Variants in CCPG1 observed in about 807,000 individuals in gnomAD.
The protein encoded by CCPG1 is cell cycle progression protein 1.
CCPG1 carries 46 observed loss-of-function variants against 81.3 expected under a neutral mutation model. That is an observed-to-expected ratio of 0.57 (90% CI 0.45 to 0.72). The LOEUF (loss-of-function observed/expected upper bound fraction) is 0.72. Ranked by LOEUF, CCPG1 falls within the 30% of genes least tolerant of loss-of-function variation. The pLI, the probability that CCPG1 is intolerant of heterozygous loss-of-function variation, is 0.00. For missense variants in CCPG1, 902 were observed against 937.6 expected, an observed-to-expected ratio of 0.96 and a Z score of 0.50; for synonymous variants, 330 against 305.2, an observed-to-expected ratio of 1.08 and a Z score of -0.85.
At chr15:55,365,419 G>GTTTTTTT (rs111247245) in intron 6 of CCPG1, 110 bp from the exon 7 acceptor site, 4 of 446,370 alleles carry the variant, frequency 9.0e-6, no homozygotes, top group Admixed American at 4.6e-5. Flanking sequence ...TCTTTTTTTT[G>GTTTTTTT]TTTTTTTTTT....
At chr15:55,406,698 G>A (rs2057231637) in intron 1 of CCPG1, among the ~76,000 whole-genome samples, 5 of 151,672 alleles carry the variant, frequency 3.3e-5, no homozygotes. Context: ...GCCTCCCAAA[G>A]TGCTGGGATT....
At chr15:55,405,565 C>G (rs566380148) in intron 1 of CCPG1, among the ~76,000 whole-genome samples, 3 of 152,184 alleles carry the variant, frequency 2.0e-5, no homozygotes, top group South Asian at 4.2e-4. Context: ...ATAGCCAGGC[C>G]TAGGCCTGGT....
chr15:55,362,819 C>T (rs1481618879), intron 7 of CCPG1, among the ~76,000 whole-genome samples: 1 of 152,076 alleles, frequency 6.6e-6, no homozygotes, highest in African/African-American at 2.4e-5. Context: ...GTGGGAGGAT[C>T]ACTTGAACCC....
chr15:55,360,914 T>C lies in CCPG1; in HGVS notation c.859A>G (p.Thr287Ala). Residue 287 changes from threonine to alanine, a missense_variant, in exon 8 of 9, where the codon ACA (threonine) becomes GCA (alanine). By Grantham distance (58) the Thr-to-Ala change is moderately conservative. This residue lies in a region of CCPG1 where 746 missense variants were observed against 728.6 expected (regional missense o/e 1.02). Transcript: ENST00000442196. ...GACATCTTCTCTGCTTCAGTAAGTG[T>C]CCAACACCTTGCAAGATTTTCTTTC... ...SLKENLARCWTLTEAEKMSFE... is the reference protein window; with the variant it reads ...SLKENLARCWALTEAEKMSFE... The C allele has an allele frequency of 1.3e-6, 2 of 1,551,702 alleles. No individual in the cohort carries two copies. The highest frequency in any genetic ancestry group is 1.7e-6 in the Non-Finnish European group (2 of 1,153,988).
At chr15:55,385,502 A>C (rs1024494801) in intron 3 of CCPG1, 98 bp downstream of exon 3, 2 of 605,406 alleles carry the variant, frequency 3.3e-6, no homozygotes, top group African/African-American at 3.8e-5. Context: ...GACCCCTTAG[A>C]TTAGCCAGAA....
rs566842331 is a variant in CCPG1, at chr15:55,367,068, T to C, written c.707-1759A>G. Among the ~76,000 whole-genome samples, 21 of 152,358 alleles carry C rather than the reference T, an allele frequency of 1.4e-4. No individual in the cohort carries two copies. The East Asian group carries it at 3.7e-3, about 27-fold the overall frequency. ...AACACCAAAAACAACTTTTGCCAATTTACAGGTAACTGTTACATAGTCTAG... is the reference window on the plus strand; with the variant it reads ...AACACCAAAAACAACTTTTGCCAATCTACAGGTAACTGTTACATAGTCTAG... On this transcript the variant is annotated intron_variant, in intron 6 of 8. Transcript: ENST00000442196.
chr15:55,397,679 G>A (rs185531956), intron 1 of CCPG1, among the ~76,000 whole-genome samples: 2 of 152,186 alleles, frequency 1.3e-5, no homozygotes, highest in African/African-American at 4.8e-5. Flanking sequence ...GTTATGAGAA[G>A]AAAATCAGTA....
chr15:55,389,998 G>A (rs1463582723), intron 1 of CCPG1, among the ~76,000 whole-genome samples: 2 of 152,220 alleles, frequency 1.3e-5, no homozygotes, highest in African/African-American at 4.8e-5. Flanking sequence ...ATCTCGACTT[G>A]CTGCAACCTC....
chr15:55,357,023 C>T, intron 8 of CCPG1: 1 of 985,632 alleles, frequency 1.0e-6, no homozygotes, highest in Non-Finnish European at 1.2e-6. Flanking sequence ...CCACTCCCCA[C>T]TCCTGTCCTT....
Position 55,364,456 on chromosome 15 carries a change from T to C in CCPG1, c.828+732A>G, listed in dbSNP as rs996744278. On this transcript the variant is annotated intron_variant, in intron 7 of 8. Transcript: ENST00000442196. ...AAAATAATGTTAATAAAAATGTCTA[T>C]ATACACATATAAAATGTCACTTATA... 3.3e-5 allele frequency among the ~76,000 whole-genome samples: 5 copies of C among 150,950 alleles called. No individual in the cohort carries two copies. The East Asian group carries it at 1.0e-3, about 30-fold the overall frequency.
At chr15:55,377,507 T>C (rs1465830888) in intron 4 of CCPG1, among the ~76,000 whole-genome samples, 1 of 152,190 alleles carries the variant, frequency 6.6e-6, no homozygotes, top group Non-Finnish European at 1.5e-5. Flanking sequence ...CAAAAAAGAC[T>C]CACTGAACTT....
chr15:55,385,543 CATAAT>C, intron 3 of CCPG1, 52 bp downstream of exon 3: 1 of 838,396 alleles, frequency 1.2e-6, no homozygotes, highest in Non-Finnish European at 1.9e-6. Context: ...AGGCAAGACT[CATAAT>C]ATCACTCATA....
At chr15:55,388,510 G>T (rs2056849148) in intron 2 of CCPG1, among the ~76,000 whole-genome samples, 1 of 152,094 alleles carries the variant, frequency 6.6e-6, no homozygotes, top group Admixed American at 6.5e-5. Flanking sequence ...TTTTCTAGCT[G>T]CATAATCTTG....
intron 6 of CCPG1, among the ~76,000 whole-genome samples, chr15:55,368,339 G>A (rs1470691508): frequency 1.3e-5 from 2 of 152,174 alleles, no homozygotes; most frequent in South Asian, 2.1e-4. Context: ...ATTCTCTGTC[G>A]CTGGAATGTT....
chr15:55,407,037 A>ACCCC lies in CCPG1; in HGVS notation c.-10+1180_-10+1183dup, dbSNP rs751198168. ...AGACCAGCCTGGCCGACACGTTGAGACCCCCCCCCCCGCCCCGCCGTCTCT... is the reference window on the plus strand; with the variant it reads ...AGACCAGCCTGGCCGACACGTTGAGACCCCCCCCCCCCCCCGCCCCGCCGTCTCT... On this transcript the variant is annotated intron_variant, in intron 1 of 8. Coordinates refer to ENST00000442196, the MANE Select transcript of CCPG1 (RefSeq NM_001204450.2). 2.9e-3 allele frequency among the ~76,000 whole-genome samples: 324 copies of ACCCC among 112,612 alleles called. 28 individuals are homozygous for ACCCC. Among genetic ancestry groups the ACCCC allele is most frequent in the African/African-American group, 5.3e-3 (115 of 21,876 alleles). The allele number at this position is 112,612 out of a possible 152,430, so 73.9% of individuals were successfully genotyped here. A position where few individuals can be genotyped will look rare whatever the true frequency, so the allele number is the denominator to read the frequency against.
intron 3 of CCPG1, among the ~76,000 whole-genome samples, chr15:55,381,349 C>T (rs2056689988): frequency 6.6e-6 from 1 of 151,556 alleles, no homozygotes; most frequent in South Asian, 2.1e-4. Context: ...GAGGCTGAGA[C>T]TTGAACCGGG....
chr15:55,387,066 G>C (rs1173970890), intron 2 of CCPG1, among the ~76,000 whole-genome samples: 1 of 152,190 alleles, frequency 6.6e-6, no homozygotes, highest in Non-Finnish European at 1.5e-5. Context: ...GAGAATGGCA[G>C]TAATGGGAGA....
chr15:55,368,493 A>T (rs1021934776), intron 6 of CCPG1, among the ~76,000 whole-genome samples: 1 of 152,218 alleles, frequency 6.6e-6, no homozygotes, highest in Non-Finnish European at 1.5e-5. Flanking sequence ...ATCTTGTTAT[A>T]TAATAGTCTG....
intron 1 of CCPG1, among the ~76,000 whole-genome samples, chr15:55,395,530 A>G (rs960782109): frequency 6.6e-6 from 1 of 151,962 alleles, no homozygotes; most frequent in African/African-American, 2.4e-5. Flanking sequence ...CAACCTTCTC[A>G]GTTCCCCTCA....
Sources: gnomAD v4.1 joint callset for allele counts (sites outside exome capture counted in the v4.1 genomes callset) on GRCh38, gnomAD v4.1.1 for gene constraint, gnomAD v4.1.1 regional missense constraint, MANE v1.5 for transcripts, NCBI Gene and HGNC (gene_info 2026-07-23, HGNC 2026-07-21) for gene names.